Variants in FGD6 observed in about 807,000 individuals in gnomAD.
FGD6 encodes the protein FYVE, RhoGEF and PH domain-containing protein 6.
A neutral mutation model predicts 149.4 loss-of-function variants in FGD6; 90 were observed. The observed-to-expected ratio is 0.60, with a 90% CI of 0.51 to 0.72. The LOEUF is 0.72. Among genes scored for constraint, FGD6 ranks in the 30% least tolerant of loss-of-function variants. FGD6 has a pLI of 0.00. For synonymous variants in FGD6, 527 were observed against 584.0 expected (o/e 0.90, Z 1.41); for missense variants, 1,437 against 1,684.8 (o/e 0.85, Z 2.57).
intron 3 of FGD6, among the ~76,000 whole-genome samples, chr12:95,167,982 T>A (rs1452677382): frequency 3.0e-4 from 45 of 152,166 alleles, no homozygotes; most frequent in Admixed American, 2.9e-3. Flanking sequence ...CTTTTGCAGG[T>A]GGATATCCAG....
chr12:95,100,055 T>TCCCCCC (rs33962935), intron 14 of FGD6, among the ~76,000 whole-genome samples: 40 of 129,180 alleles, frequency 3.1e-4, no homozygotes, highest in Non-Finnish European at 4.7e-4. Flanking sequence ...ACTTTTCTGA[T>TCCCCCC]CCCCCCCCCC....
At chr12:95,090,092 G>C (rs180791817) in intron 17 of FGD6, among the ~76,000 whole-genome samples, 1 of 152,042 alleles carries the variant, frequency 6.6e-6, no homozygotes, top group African/African-American at 2.4e-5. Context: ...TATCGGACAC[G>C]GATGAAGAAG....
At chr12:95,172,366 ACT>A (rs761144783) in intron 3 of FGD6, among the ~76,000 whole-genome samples, 14 of 152,286 alleles carry the variant, frequency 9.2e-5, no homozygotes, top group Non-Finnish European at 1.6e-4. Context: ...ACAGAGCAAG[ACT>A]CTGTCTCAAA....
At chr12:95,132,625 G>A (rs1323654747) in intron 8 of FGD6, among the ~76,000 whole-genome samples, 3 of 151,988 alleles carry the variant, frequency 2.0e-5, no homozygotes, top group African/African-American at 7.3e-5. Flanking sequence ...GGTGGCATAC[G>A]CCTGTAGTCC....
intron 5 of FGD6, among the ~76,000 whole-genome samples, chr12:95,148,581 C>T (rs1880095058): frequency 8.4e-5 from 9 of 106,516 alleles, no homozygotes; most frequent in East Asian, 3.2e-4. Flanking sequence ...TAATACATAG[C>T]ATATATTATA....
intron 7 of FGD6, among the ~76,000 whole-genome samples, chr12:95,136,475 G>C (rs921427677): frequency 6.6e-6 from 1 of 152,156 alleles, no homozygotes; most frequent in East Asian, 1.9e-4. Flanking sequence ...CTAAAATACA[G>C]TACGCAAATT....
intron 2 of FGD6, among the ~76,000 whole-genome samples, chr12:95,188,840 G>A (rs1342508617): frequency 6.6e-6 from 1 of 150,984 alleles, no homozygotes; most frequent in Non-Finnish European, 1.5e-5. Flanking sequence ...AAGGTCAAAG[G>A]TAAAGCAGGC....
intron 13 of FGD6, among the ~76,000 whole-genome samples, chr12:95,106,671 T>C (rs1878635426): frequency 6.6e-6 from 1 of 151,908 alleles, no homozygotes. Flanking sequence ...CAAGGCAGGC[T>C]GATCACCTGA....
At chr12:95,119,048 G>A (rs766622575) in intron 8 of FGD6, among the ~76,000 whole-genome samples, 7 of 152,146 alleles carry the variant, frequency 4.6e-5, no homozygotes, top group Admixed American at 2.0e-4. Flanking sequence ...ATGGGAGGCC[G>A]AGGTGGGAGG....
At chr12:95,192,097 GTTATA>G (rs879935505) in intron 2 of FGD6, among the ~76,000 whole-genome samples, 8 of 152,148 alleles carry the variant, frequency 5.3e-5, no homozygotes, top group Admixed American at 2.6e-4. Flanking sequence ...ACAAATAGTT[GTTATA>G]TTATTTAGGG....
chr12:95,150,661 A>G (rs1219877210), intron 5 of FGD6, among the ~76,000 whole-genome samples: 1 of 151,882 alleles, frequency 6.6e-6, no homozygotes, highest in African/African-American at 2.4e-5. Flanking sequence ...TCCATGCTAG[A>G]GTGCAGTGGT....
chr12:95,162,458 C>T (rs954671375), intron 3 of FGD6, among the ~76,000 whole-genome samples: 11 of 152,020 alleles, frequency 7.2e-5, no homozygotes, highest in African/African-American at 1.2e-4. Context: ...ACCTGAGAGG[C>T]GGAGGCTGCA....
chr12:95,097,670 C>T (rs1320676171), intron 14 of FGD6, among the ~76,000 whole-genome samples: 1 of 148,754 alleles, frequency 6.7e-6, no homozygotes, highest in Non-Finnish European at 1.5e-5. Context: ...GACCATGCCA[C>T]ACCATTTACT....
intron 3 of FGD6, among the ~76,000 whole-genome samples, chr12:95,160,468 A>C (rs901907372): frequency 3.9e-5 from 6 of 152,158 alleles, no homozygotes; most frequent in African/African-American, 1.4e-4. Context: ...GAAAAATGAA[A>C]AATAGCTCAG....
At chr12:95,202,777 G>C (rs767244864) in intron 2 of FGD6, among the ~76,000 whole-genome samples, 4 of 152,200 alleles carry the variant, frequency 2.6e-5, no homozygotes, top group African/African-American at 9.7e-5. Context: ...TTCAAATGCA[G>C]GGTAAGTATG....
intron 2 of FGD6, among the ~76,000 whole-genome samples, chr12:95,173,475 A>G (rs1381497746): frequency 6.6e-6 from 1 of 152,158 alleles, no homozygotes; most frequent in Non-Finnish European, 1.5e-5. Context: ...CCACAGAGCC[A>G]GGCCATTTAC....
In FGD6 at chr12:95,209,771, G is replaced by C. The variant is rs1324905576; in HGVS notation, c.1513C>G (p.Pro505Ala). The C allele has an allele frequency of 3.7e-6, 6 of 1,613,310 alleles. No homozygotes were observed. The Admixed American group carries it at 8.4e-5, about 22-fold the overall frequency. ...VPKKPQRHSLPATGVLKKAAS... is the reference protein window; with the variant it reads ...VPKKPQRHSLAATGVLKKAAS... ...GCCTTTTTAAGCACTCCTGTAGCAG[G>C]CAAGCTATGTCTTTGAGGTTTTTTG... Residue 505 changes from proline to alanine, a missense_variant, in exon 2 of 21, where the codon CCT becomes GCT. Coordinates refer to ENST00000343958, the MANE Select transcript of FGD6 (RefSeq NM_018351.4).
At chr12:95,126,351 C>G in intron 8 of FGD6, 1 of 1,554,954 alleles carries the variant, frequency 6.4e-7, no homozygotes, top group African/African-American at 1.4e-5. Flanking sequence ...AGCTCCAGCC[C>G]AGAAAGCCCC....
At chr12:95,182,215 A>G (rs1881302507) in intron 2 of FGD6, among the ~76,000 whole-genome samples, 1 of 133,020 alleles carries the variant, frequency 7.5e-6, no homozygotes, top group Non-Finnish European at 1.5e-5. Context: ...ATATATGTAT[A>G]CATACTTTTT....
Sources: gnomAD v4.1 joint callset for allele counts (sites outside exome capture counted in the v4.1 genomes callset) on GRCh38, gnomAD v4.1.1 for gene constraint, MANE v1.5 for transcripts, NCBI Gene and HGNC (gene_info 2026-07-23, HGNC 2026-07-21) for gene names.